The following PLCB1 variants were observed in gnomAD, a reference collection of about 807,000 sequenced individuals.
PLCB1 encodes phospholipase C beta 1, also known as 1-phosphatidylinositol 4,5-bisphosphate phosphodiesterase beta-1.
In PLCB1, 46 loss-of-function variants were observed where a neutral mutation model predicts 161.8. The observed-to-expected ratio is 0.28, with a 90% CI of 0.22 to 0.36. The LOEUF (loss-of-function observed/expected upper bound fraction) is 0.36. Among genes scored for constraint, PLCB1 ranks in the 10% least tolerant of loss-of-function variants. PLCB1 has a pLI of 1.00. For missense variants in PLCB1, 1,016 were observed against 1,472.5 expected (o/e 0.69, Z 5.07); for synonymous variants, 517 against 503.7 (o/e 1.03, Z -0.35).
intron 31 of PLCB1, among the ~76,000 whole-genome samples, chr20:8,842,548 C>T (rs1461013671): frequency 6.6e-6 from 1 of 152,118 alleles, no homozygotes; most frequent in Non-Finnish European, 1.5e-5. Context: ...GACAAGAACC[C>T]CTCAGACACC....
At chr20:8,613,430 C>G (rs1447275605) in intron 3 of PLCB1, among the ~76,000 whole-genome samples, 1 of 152,154 alleles carries the variant, frequency 6.6e-6, no homozygotes, top group Non-Finnish European at 1.5e-5. Flanking sequence ...AGCAACTCTG[C>G]AAGTTGCTTT....
intron 1 of PLCB1, among the ~76,000 whole-genome samples, chr20:8,136,562 C>T (rs1231354215): frequency 6.6e-6 from 1 of 150,698 alleles, no homozygotes; most frequent in Admixed American, 6.6e-5. Context: ...GGAGGCGGAG[C>T]TTGCAGTGAG....
intron 3 of PLCB1, among the ~76,000 whole-genome samples, chr20:8,530,027 A>G (rs1984740071): frequency 6.6e-6 from 1 of 152,148 alleles, no homozygotes; most frequent in Admixed American, 6.6e-5. Context: ...CATAACTGTC[A>G]GTGTCAAGCT....
chr20:8,461,965 T>C (rs1981598123), intron 3 of PLCB1, among the ~76,000 whole-genome samples: 2 of 152,262 alleles, frequency 1.3e-5, no homozygotes, highest in South Asian at 4.1e-4. Flanking sequence ...TAAAGTTATA[T>C]AATGGACATA....
At chr20:8,538,026 A>G (rs897822611) in intron 3 of PLCB1, among the ~76,000 whole-genome samples, 1 of 152,176 alleles carries the variant, frequency 6.6e-6, no homozygotes. Context: ...AAATTAGTCA[A>G]TCAGAAATGT....
At chr20:8,657,147 A>G in intron 7 of PLCB1, 37 bp from the exon 8 acceptor site, 1 of 1,207,920 alleles carries the variant, frequency 8.3e-7, no homozygotes, top group Non-Finnish European at 1.2e-6. Flanking sequence ...GGGGAAGGAA[A>G]AAGACCATTT....
intron 3 of PLCB1, among the ~76,000 whole-genome samples, chr20:8,442,151 G>GA (rs1425792752): frequency 2.6e-5 from 4 of 152,044 alleles, no homozygotes; most frequent in Admixed American, 1.3e-4. Flanking sequence ...GAATTTTCTA[G>GA]AAAAAATATG....
chr20:8,316,064 C>A (rs1984635344), intron 2 of PLCB1, among the ~76,000 whole-genome samples: 1 of 152,138 alleles, frequency 6.6e-6, no homozygotes, highest in African/African-American at 2.4e-5. Flanking sequence ...CAGTTTTACT[C>A]ACCTTGAATA....
intron 2 of PLCB1, among the ~76,000 whole-genome samples, chr20:8,271,302 G>A (rs755589318): frequency 3.9e-5 from 6 of 151,960 alleles, no homozygotes; most frequent in Non-Finnish European, 8.8e-5. Flanking sequence ...AGAATTTAAG[G>A]CATTCAATAG....
chr20:8,501,465 A>G lies in PLCB1; in HGVS notation c.247-126829A>G, dbSNP rs1353892306. ...TGCCCCAAGGCAGCGGGTCCAATCC[A>G]GGTCACCTCCATTGTGCCTTCCCAT... On this transcript the variant is annotated intron_variant, in intron 3 of 31. Transcript: ENST00000338037. 1.3e-5 allele frequency among the ~76,000 whole-genome samples: 2 copies of G among 152,178 alleles called. 1 individual carries two copies. Among genetic ancestry groups the G allele is most frequent in the African/African-American group, 4.8e-5 (2 of 41,460 alleles).
At chr20:8,223,435 A>T (rs1452757496) in intron 2 of PLCB1, among the ~76,000 whole-genome samples, 1 of 152,076 alleles carries the variant, frequency 6.6e-6, no homozygotes, top group Non-Finnish European at 1.5e-5. Context: ...CTCAACTTTG[A>T]CTTTTTAGTT....
chr20:8,744,274 T>C (rs1008771945), intron 23 of PLCB1, among the ~76,000 whole-genome samples: 1 of 152,226 alleles, frequency 6.6e-6, no homozygotes, highest in Non-Finnish European at 1.5e-5. Flanking sequence ...TACATGTATT[T>C]TCAGTATTTA....
At chr20:8,519,792 C>T (rs1254146542) in intron 3 of PLCB1, among the ~76,000 whole-genome samples, 2 of 152,052 alleles carry the variant, frequency 1.3e-5, no homozygotes, top group Non-Finnish European at 2.9e-5. Flanking sequence ...TGTCATTTTG[C>T]TTAATCATTT....
intron 9 of PLCB1, among the ~76,000 whole-genome samples, chr20:8,683,274 T>C (rs1013538489): frequency 9.2e-5 from 14 of 152,126 alleles, no homozygotes; most frequent in African/African-American, 3.1e-4. Flanking sequence ...AGTAGTTATC[T>C]CTGAAAGAAA....
intron 2 of PLCB1, among the ~76,000 whole-genome samples, chr20:8,305,212 T>C (rs575074085): frequency 6.6e-6 from 1 of 152,224 alleles, no homozygotes; most frequent in South Asian, 2.1e-4. Flanking sequence ...CTATTTATTG[T>C]CTATATTTTA....
At chr20:8,258,663 G>T (rs893541030) in intron 2 of PLCB1, among the ~76,000 whole-genome samples, 1 of 151,994 alleles carries the variant, frequency 6.6e-6, no homozygotes, top group South Asian at 2.1e-4. Context: ...TTGAATTTGG[G>T]ATTCTAATAC....
In PLCB1 at chr20:8,132,608, C is replaced by T; in HGVS notation, c.-44C>T. The T allele has an allele frequency of 7.0e-7, 1 of 1,425,068 alleles. No homozygotes were observed. The allele number at this position is 1,425,068 out of a possible 1,614,324, so 88.3% of individuals were successfully genotyped here. A position where few individuals can be genotyped will look rare whatever the true frequency, so the allele number is the denominator to read the frequency against. Reference sequence around the variant, plus strand: ...CGCGCCCCGCGCACGGTCCCCAGTCCCTGCCGCGCTCGCCCGGGCCGCCCG... The same window carrying T: ...CGCGCCCCGCGCACGGTCCCCAGTCTCTGCCGCGCTCGCCCGGGCCGCCCG... On this transcript the variant is annotated 5_prime_UTR_variant, in exon 1 of 32. Transcript: ENST00000338037. The surrounding 1 kb of genome is among the most constrained non-coding windows in gnomAD (Gnocchi z 5.2).
At chr20:8,157,671 G>A (rs956890865) in intron 2 of PLCB1, among the ~76,000 whole-genome samples, 1 of 152,166 alleles carries the variant, frequency 6.6e-6, no homozygotes, top group Non-Finnish European at 1.5e-5. Context: ...AATGTTATTA[G>A]AATGGAATCA....
At chr20:8,195,918 T>G (rs2052018984) in intron 2 of PLCB1, among the ~76,000 whole-genome samples, 1 of 151,872 alleles carries the variant, frequency 6.6e-6, no homozygotes, top group Non-Finnish European at 1.5e-5. Flanking sequence ...AGAAAAGAGG[T>G]TTAATTGGCT....
Sources: gnomAD v4.1 joint callset for allele counts (sites outside exome capture counted in the v4.1 genomes callset) on GRCh38, gnomAD v4.1.1 for gene constraint, Gnocchi (gnomAD v3.1) non-coding constraint, MANE v1.5 for transcripts, NCBI Gene and HGNC (gene_info 2026-07-23, HGNC 2026-07-21) for gene names.